The following ALS2 variants were observed in gnomAD, a reference collection of about 807,000 sequenced individuals.
The protein encoded by ALS2 is alsin Rho guanine nucleotide exchange factor ALS2.
Under a neutral mutation model 203.4 loss-of-function variants are expected in ALS2, and 117 were observed. The ratio of observed to expected loss-of-function variants is 0.58; its 90% confidence interval spans 0.50 to 0.67. The LOEUF (loss-of-function observed/expected upper bound fraction) is 0.67, where lower values mean the gene tolerates loss of function less well. ALS2 is among the 30% of genes least tolerant of loss of function. The pLI is 0.00. For missense variants in ALS2, 1,715 were observed against 1,989.4 expected (o/e 0.86, Z 2.62); for synonymous variants, 718 against 725.9 (o/e 0.99, Z 0.17).
intron 33 of ALS2, among the ~76,000 whole-genome samples, 173 bp downstream of exon 33, chr2:201,703,949 T>C (rs1315050065): frequency 2.6e-5 from 4 of 152,242 alleles, no homozygotes; most frequent in Non-Finnish European, 5.9e-5. Flanking sequence ...AACTGGCTTA[T>C]CCTACTTTAA....
rs1225391494 is a variant in ALS2 at position 201,711,070 on chromosome 2, T to C, written c.4043A>G (p.Glu1348Gly). The part of the protein sequence containing the change: ...ILSRSQTQTL[E>G]SLEFIPQHVG... ...ATGCTGTGGAATGAATTCCAAACTC[T>C]CTAGTGTCTGAGTCTGTGAACGACT... Residue 1348 changes from glutamate (E) to glycine (G), a missense_variant, in exon 26 of 34, where the codon GAG (glutamate) becomes GGG (glycine). Coordinates refer to ENST00000264276, the MANE Select transcript of ALS2 (RefSeq NM_020919.4). The C allele has an allele frequency of 6.2e-7, 1 of 1,612,396 alleles. No homozygotes were observed. The highest frequency in any genetic ancestry group is 8.5e-7 in the Non-Finnish European group (1 of 1,178,648).
intron 15 of ALS2, 24 bp from the exon 16 acceptor site, chr2:201,727,799 C>G: frequency 2.6e-6 from 4 of 1,550,388 alleles, no homozygotes; most frequent in Non-Finnish European, 3.5e-6. Context: ...CACGGAGGCA[C>G]TTTTATGAAA....
Position 201,722,863 on chromosome 2 carries a change from T to C in ALS2, c.3702+180A>G, listed in dbSNP as rs79812041. ...GAGCAGAAGGGATTTTCTTGGGCGA[T>C]GGAAATGTTCTGAAACTGGATTGTG... On this transcript the variant is annotated intron_variant, in intron 23 of 33. Coordinates refer to ENST00000264276, the MANE Select transcript of ALS2 (RefSeq NM_020919.4). 0.077 allele frequency: 45,892 copies of C among 597,592 alleles called. 2,130 individuals carry two copies. Among genetic ancestry groups the C allele is most frequent in the African/African-American group, 0.14 (7,454 of 53,768 alleles). The allele number at this position is 597,592 out of a possible 1,614,324, so 37.0% of individuals were successfully genotyped here.
chr2:201,774,202 T>C (rs1255040059), intron 1 of ALS2, among the ~76,000 whole-genome samples: 1 of 152,188 alleles, frequency 6.6e-6, no homozygotes, highest in East Asian at 1.9e-4. Context: ...TGACAAAGGC[T>C]GTGGTCCTGG....
In ALS2 at chr2:201,704,461, G is replaced by A. The variant is rs779186036; in HGVS notation, c.4831C>T (p.Arg1611Trp). ...LFPVFLYVVL[R>W]ARIRNLGSEV... ...AAGTCATAAAACAGTTACCTGGCCC[G>A]TAGCACCACATATAAGAAAACAGGA... The change falls in exon 32 of 34, where the codon CGG becomes TGG. Residue 1611 changes from arginine to tryptophan, a missense_variant. Transcript: ENST00000264276. 26 of 1,614,018 alleles carry A rather than the reference G, an allele frequency of 1.6e-5. No individual in the cohort carries two copies. Among genetic ancestry groups the A allele is most frequent in the South Asian group, 2.2e-5 (2 of 91,078 alleles).
rs115012254 is a variant in ALS2 at position 201,748,948 on chromosome 2, G to A, written c.1815+764C>T. The stretch of plus-strand genomic sequence containing the variant: ...TTCTTTAATCTCCATTACTCCAGAG[G>A]GAGCATGTCTTGGGAACGGGGAGAT... On this transcript the variant is annotated intron_variant, in intron 8 of 33. Coordinates refer to ENST00000264276, the MANE Select transcript of ALS2 (RefSeq NM_020919.4). Among the ~76,000 whole-genome samples, 1,011 of 152,236 alleles carry A rather than the reference G, an allele frequency of 6.6e-3. 15 individuals carry two copies. The highest frequency in any genetic ancestry group is 0.024 in the African/African-American group (978 of 41,518).
At position 201,709,968 on chromosome 2, in the gene ALS2, T is replaced by G; in HGVS notation, c.4193A>C (p.Tyr1398Ser). 6.2e-7 allele frequency: 1 copy of G among 1,614,098 alleles called. No individual in the cohort carries two copies. Among genetic ancestry groups the G allele is most frequent in the Non-Finnish European group, 8.5e-7 (1 of 1,179,962 alleles). ...CCTGCGGTTGGCTCCTACGCCCACG[T>G]ATGTCATTCTATACACTGCAACCAG... ...ETLVAVYRMT[Y>S]VGVGANRRLL... Residue 1398 changes from tyrosine (Y) to serine (S), a missense_variant, in exon 27 of 34, where the codon TAC (tyrosine) becomes TCC (serine). Tyr to Ser is a moderately radical substitution (Grantham distance 144). Around this residue, in one of 3 missense-constraint regions of ALS2, gnomAD observed 1,227 missense variants for 1,413.5 expected, o/e 0.87. Transcript: ENST00000264276.
chr2:201,753,998 C>CT (rs200313644), intron 6 of ALS2, among the ~76,000 whole-genome samples: 1 of 149,656 alleles, frequency 6.7e-6, no homozygotes. Flanking sequence ...TCTTTTACTG[C>CT]TTTTTTTTTC....
chr2:201,704,011 T>C, intron 33 of ALS2, 111 bp downstream of exon 33: 2 of 879,296 alleles, frequency 2.3e-6, no homozygotes, highest in Non-Finnish European at 3.7e-6. Context: ...TAAAGGCATT[T>C]AAGGTTTGCA....
chr2:201,736,592 A>G (rs933746223), intron 12 of ALS2, among the ~76,000 whole-genome samples: 2 of 152,168 alleles, frequency 1.3e-5, no homozygotes, highest in Non-Finnish European at 2.9e-5. Context: ...AAGTAGAAGG[A>G]AATAAAAAGC....
At chr2:201,705,646 T>C (rs1184353149) in intron 29 of ALS2, among the ~76,000 whole-genome samples, 185 bp from the exon 30 acceptor site, 1 of 152,214 alleles carries the variant, frequency 6.6e-6, no homozygotes, top group Non-Finnish European at 1.5e-5. Context: ...CTAAGGGATT[T>C]GTCATTCTAT....
chr2:201,745,588 A>G (rs79978666), intron 9 of ALS2, among the ~76,000 whole-genome samples: 6,234 of 152,300 alleles, frequency 0.041, 142 homozygotes, highest in Middle Eastern at 0.085. Context: ...GTTTACAAAA[A>G]AGAAGGGAAA....
intron 7 of ALS2, 114 bp downstream of exon 7, chr2:201,753,032 A>C: frequency 1.1e-6 from 1 of 876,092 alleles, no homozygotes; most frequent in South Asian, 1.3e-5. Context: ...AGCTAAAATG[A>C]GATACGGTTA....
At chr2:201,759,339 T>C in intron 4 of ALS2, 2 of 910,364 alleles carry the variant, frequency 2.2e-6, no homozygotes, top group East Asian at 1.2e-4. Context: ...GTCTCAGTTA[T>C]ATCTCGCCAG....
chr2:201,763,797 T>C (rs946200526), intron 3 of ALS2, among the ~76,000 whole-genome samples: 6 of 152,286 alleles, frequency 3.9e-5, no homozygotes, highest in East Asian at 1.9e-4. Context: ...TTGTGGGAGC[T>C]TGGGAGCAGG....
At chr2:201,731,307 G>A (rs1397206420) in intron 13 of ALS2, among the ~76,000 whole-genome samples, 1 of 152,124 alleles carries the variant, frequency 6.6e-6, no homozygotes, top group Non-Finnish European at 1.5e-5. Context: ...CCAGAATAAT[G>A]CAGTGGTTTT....
chr2:201,729,432 T>G (rs977101019), intron 13 of ALS2, among the ~76,000 whole-genome samples: 4 of 152,068 alleles, frequency 2.6e-5, no homozygotes, highest in African/African-American at 9.7e-5. Flanking sequence ...AGTTAGTGAA[T>G]AGAGCAGCAG....
At chr2:201,709,327 T>C (rs1689896930) in intron 27 of ALS2, among the ~76,000 whole-genome samples, 2 of 152,358 alleles carry the variant, frequency 1.3e-5, no homozygotes, top group South Asian at 2.1e-4. Flanking sequence ...ACATACTACA[T>C]ATATTTTTTA....
At chr2:201,738,540 A>G in intron 12 of ALS2, 130 bp downstream of exon 12, 1 of 872,498 alleles carries the variant, frequency 1.1e-6, no homozygotes, top group Non-Finnish European at 1.9e-6. Flanking sequence ...AGACTTACTG[A>G]AAGTTTATAT....
Sources: allele counts gnomAD v4.1 joint callset (sites outside exome capture counted in the v4.1 genomes callset), GRCh38; gene constraint gnomAD v4.1.1; regional missense constraint gnomAD v4.1.1; transcripts MANE v1.5; gene names NCBI Gene and HGNC (gene_info 2026-07-23, HGNC 2026-07-21).